The following NHEJ1 variants were observed in gnomAD, a reference collection of about 807,000 sequenced individuals.
NHEJ1 encodes the protein non-homologous end-joining factor 1.
A neutral mutation model predicts 39.4 loss-of-function variants in NHEJ1; 22 were observed. That is an observed-to-expected ratio of 0.56 (90% CI 0.40 to 0.80). The LOEUF is 0.80. NHEJ1 is among the 30% of genes least tolerant of loss of function. The pLI is 0.00. For missense variants in NHEJ1, 329 were observed against 357.1 expected (o/e 0.92, Z 0.63); for synonymous variants, 154 against 135.6 (o/e 1.14, Z -0.94).
intron 5 of NHEJ1, among the ~76,000 whole-genome samples, chr2:219,137,930 A>C (rs1370406103): frequency 6.6e-6 from 1 of 152,198 alleles, no homozygotes. Flanking sequence ...ATGCTCACAG[A>C]ACCTCATTCA....
At chr2:219,098,326 G>A (rs1949226666) in intron 5 of NHEJ1, among the ~76,000 whole-genome samples, 1 of 151,294 alleles carries the variant, frequency 6.6e-6, no homozygotes, top group Admixed American at 6.6e-5. Flanking sequence ...GATTTTTAAG[G>A]TGGAAGAATA....
At chr2:219,148,589 T>C (rs1361307902) in intron 3 of NHEJ1, among the ~76,000 whole-genome samples, 1 of 151,614 alleles carries the variant, frequency 6.6e-6, no homozygotes, top group African/African-American at 2.4e-5. Context: ...AACAAACAAA[T>C]GAGAAAAGCT....
At chr2:219,081,379 A>G (rs1383567996) in intron 5 of NHEJ1, among the ~76,000 whole-genome samples, 1 of 152,204 alleles carries the variant, frequency 6.6e-6, no homozygotes. Flanking sequence ...GCCCCCTGCT[A>G]TAAGTGCGAC....
chr2:219,101,820 G>A (rs563711318), intron 5 of NHEJ1, among the ~76,000 whole-genome samples: 4 of 151,928 alleles, frequency 2.6e-5, no homozygotes, highest in Admixed American at 2.6e-4. Flanking sequence ...CTGCCTCCCG[G>A]GTTCAAGCAA....
intron 3 of NHEJ1, among the ~76,000 whole-genome samples, chr2:219,154,939 T>C (rs1341418100): frequency 1.4e-5 from 2 of 147,182 alleles, no homozygotes; most frequent in East Asian, 1.9e-4. Flanking sequence ...ATATAACATA[T>C]AATATATGTT....
chr2:219,080,649 AT>A (rs968379061), intron 5 of NHEJ1, among the ~76,000 whole-genome samples: 2 of 114,330 alleles, frequency 1.7e-5, no homozygotes, highest in Admixed American at 1.7e-4. Flanking sequence ...GCTTATATAT[AT>A]GCTAATATAT....
chr2:219,086,510 G>A lies in NHEJ1; in HGVS notation c.589-8304C>T, dbSNP rs190387847. On this transcript the variant is annotated intron_variant, in intron 5 of 7. Coordinates refer to ENST00000356853, the MANE Select transcript of NHEJ1 (RefSeq NM_024782.3). ...CTTCTTAAATCTCCAAAGAGCTCAA[G>A]AGGCTGAAAGAGGGAAAAGACAAAA... Among the ~76,000 whole-genome samples the A allele has an allele frequency of 1.8e-3, 269 of 152,314 alleles. 3 individuals carry two copies. Among genetic ancestry groups the A allele is most frequent in the Non-Finnish European group, 2.5e-3 (172 of 68,022 alleles).
At chr2:219,137,482 C>T (rs12475084) in intron 5 of NHEJ1, among the ~76,000 whole-genome samples, 6,184 of 147,896 alleles carry the variant, frequency 0.042, 432 homozygotes, top group African/African-American at 0.14. Flanking sequence ...CATCTCCCTC[C>T]TAGGAGATGT....
chr2:219,090,531 C>T (rs1240417667), intron 5 of NHEJ1, among the ~76,000 whole-genome samples: 1 of 152,128 alleles, frequency 6.6e-6, no homozygotes, highest in Admixed American at 6.5e-5. Context: ...GGTTCACTGC[C>T]CTCAAGGAGC....
intron 5 of NHEJ1, among the ~76,000 whole-genome samples, chr2:219,103,270 T>C (rs1949282959): frequency 6.6e-6 from 1 of 151,934 alleles, no homozygotes; most frequent in East Asian, 1.9e-4. Flanking sequence ...TATTTTTAAC[T>C]TTTTTATTTT....
At chr2:219,147,864 C>T (rs1304673043) in intron 3 of NHEJ1, 69 bp from the exon 4 acceptor site, 2 of 1,509,270 alleles carry the variant, frequency 1.3e-6, no homozygotes, top group African/African-American at 2.8e-5. Context: ...GTATTAGGTA[C>T]CAGAAAAAAT....
chr2:219,109,284 C>CT (rs2106338277), intron 5 of NHEJ1, among the ~76,000 whole-genome samples: 1 of 152,270 alleles, frequency 6.6e-6, no homozygotes, highest in South Asian at 2.1e-4. Flanking sequence ...GCTGTGCTAT[C>CT]TCATCATCAC....
chr2:219,107,674 A>G (rs1287746186), intron 5 of NHEJ1, among the ~76,000 whole-genome samples: 1 of 151,982 alleles, frequency 6.6e-6, no homozygotes, highest in Non-Finnish European at 1.5e-5. Context: ...CATCCACCAT[A>G]CCTTAAATTA....
At chr2:219,089,604 A>G (rs1949143237) in intron 5 of NHEJ1, among the ~76,000 whole-genome samples, 1 of 152,312 alleles carries the variant, frequency 6.6e-6, no homozygotes, top group African/African-American at 2.4e-5. Flanking sequence ...AATGACTGCA[A>G]ATAGGTATGG....
chr2:219,159,504 G>A (rs1012947255), intron 1 of NHEJ1, among the ~76,000 whole-genome samples: 2 of 96,468 alleles, frequency 2.1e-5, no homozygotes, highest in South Asian at 4.1e-4. Context: ...TGTGACTTGT[G>A]ACATAACTTT....
chr2:219,076,284 A>C lies in NHEJ1; in HGVS notation c.*97T>G. ...CTTACAGGAGGCCTCTGACTGTATC[A>C]CTATTTTAGAAATATTGCTGCCATG... On this transcript the variant is annotated 3_prime_UTR_variant, in exon 8 of 8. Coordinates refer to ENST00000356853, the MANE Select transcript of NHEJ1 (RefSeq NM_024782.3). The C allele has an allele frequency of 6.2e-7, 1 of 1,607,996 alleles. No homozygotes were observed. Among genetic ancestry groups the C allele is most frequent in the Non-Finnish European group, 8.5e-7 (1 of 1,177,082 alleles).
intron 5 of NHEJ1, among the ~76,000 whole-genome samples, chr2:219,101,130 T>C (rs544802574): frequency 6.6e-6 from 1 of 152,340 alleles, no homozygotes; most frequent in Admixed American, 6.5e-5. Flanking sequence ...TACTTATTTA[T>C]TGGGGATGGA....
chr2:219,147,603 C>T, intron 4 of NHEJ1, 54 bp downstream of exon 4: 1 of 1,612,386 alleles, frequency 6.2e-7, no homozygotes, highest in Non-Finnish European at 8.5e-7. Context: ...TTGCTAAGAC[C>T]CTTTGACTAT....
intron 3 of NHEJ1, among the ~76,000 whole-genome samples, chr2:219,151,708 A>G (rs1473422663): frequency 6.6e-6 from 1 of 152,090 alleles, no homozygotes; most frequent in African/African-American, 2.4e-5. Flanking sequence ...AAATGTGTAA[A>G]AAAGTCCCAG....
Sources: allele counts gnomAD v4.1 joint callset (sites outside exome capture counted in the v4.1 genomes callset), GRCh38; gene constraint gnomAD v4.1.1; transcripts MANE v1.5; gene names NCBI Gene and HGNC (gene_info 2026-07-23, HGNC 2026-07-21).